The following GPI variants were observed in gnomAD, a reference collection of about 807,000 sequenced individuals.
GPI encodes D-hexose-6-phosphate anomerase.
A neutral mutation model predicts 75.8 loss-of-function variants in GPI; 56 were observed. The observed-to-expected ratio is 0.74, with a 90% CI of 0.60 to 0.92. The LOEUF (loss-of-function observed/expected upper bound fraction) is 0.92. Ranked by LOEUF, GPI falls within the 40% of genes least tolerant of loss-of-function variation. The pLI, the probability that GPI is intolerant of heterozygous loss-of-function variation, is 0.00. For missense variants in GPI, 638 were observed against 741.0 expected (o/e 0.86, Z 1.61); for synonymous variants, 288 against 285.4 (o/e 1.01, Z -0.09).
intron 9 of GPI, among the ~76,000 whole-genome samples, chr19:34,391,906 G>A (rs2074845474): frequency 4.5e-4 from 1 of 2,242 alleles, no homozygotes; most frequent in Non-Finnish European, 7.8e-4. Flanking sequence ...GCAGTATCTG[G>A]TACAGGTATG....
rs886700536 is a variant in GPI at position 34,400,545 on chromosome 19, A to G, written c.*509A>G. 6 of 461,872 alleles carry G rather than the reference A, an allele frequency of 1.3e-5. No individual in the cohort carries two copies. Among genetic ancestry groups the G allele is most frequent in the Non-Finnish European group, 1.9e-5 (5 of 263,948 alleles). The allele number at this position is 461,872 out of a possible 1,614,324, so 28.6% of individuals were successfully genotyped here. Reference sequence around the variant, plus strand: ...ACTTGGCCTGTGTCACCAAATCCCAAGACTGTTTTCCACTCCTCACCTCTG... The same window carrying G: ...ACTTGGCCTGTGTCACCAAATCCCAGGACTGTTTTCCACTCCTCACCTCTG... On this transcript the variant is annotated 3_prime_UTR_variant, in exon 18 of 18. Transcript: ENST00000356487.
At chr19:34,372,600 C>T (rs1425532316) in intron 4 of GPI, among the ~76,000 whole-genome samples, 2 of 152,134 alleles carry the variant, frequency 1.3e-5, no homozygotes, top group Non-Finnish European at 1.5e-5. Context: ...TATGATCATA[C>T]TCCTACATTC....
chr19:34,372,165 A>G (rs1369106638), intron 4 of GPI, among the ~76,000 whole-genome samples: 2 of 151,974 alleles, frequency 1.3e-5, no homozygotes, highest in African/African-American at 4.8e-5. Flanking sequence ...TCCTGACCTC[A>G]GGTGATCCAC....
At chr19:34,378,798 C>T (rs2074593295) in intron 6 of GPI, 136 bp from the exon 7 acceptor site, 7 of 725,566 alleles carry the variant, frequency 9.6e-6, no homozygotes, top group East Asian at 7.9e-5. Context: ...GGTTATGTGG[C>T]GTCACTGTCA....
chr19:34,361,719 G>A (rs1440732052), upstream of GPI, among the ~76,000 whole-genome samples: 2 of 152,138 alleles, frequency 1.3e-5, no homozygotes, highest in African/African-American at 2.4e-5. Context: ...GGTGTTGCAT[G>A]CCTGTAATCC....
At chr19:34,381,664 G>A in intron 9 of GPI, 145 bp downstream of exon 9, 1 of 754,376 alleles carries the variant, frequency 1.3e-6, no homozygotes, top group Non-Finnish European at 2.4e-6. Context: ...CCTCAGAGAG[G>A]CTTGGAGGGC....
chr19:34,365,674 T>G (rs1056544462), intron 1 of GPI: 1 of 598,030 alleles, frequency 1.7e-6, no homozygotes, highest in African/African-American at 1.8e-5. Flanking sequence ...CCCGTGCAGC[T>G]CTGGCCATTT....
At chr19:34,365,048 T>C (rs1473625432), upstream of GPI, 1 of 1,487,070 alleles carries the variant, frequency 6.7e-7, no homozygotes, top group Non-Finnish European at 8.9e-7. Context: ...AGGCCCCAGA[T>C]CAGCGGCCGC....
chr19:34,381,780 G>A (rs1475872055), intron 9 of GPI, among the ~76,000 whole-genome samples: 2 of 152,136 alleles, frequency 1.3e-5, no homozygotes, highest in East Asian at 3.9e-4. Context: ...CACCCACTGT[G>A]GGGTAACCCG....
At chr19:34,378,311 C>G (rs992446657) in intron 6 of GPI, among the ~76,000 whole-genome samples, 1 of 152,198 alleles carries the variant, frequency 6.6e-6, no homozygotes, top group African/African-American at 2.4e-5. Flanking sequence ...TCTCCTGCCT[C>G]AGCCTCCCAA....
intron 9 of GPI, among the ~76,000 whole-genome samples, chr19:34,388,094 C>T (rs1396605680): frequency 6.6e-6 from 1 of 152,190 alleles, no homozygotes; most frequent in Non-Finnish European, 1.5e-5. Context: ...CAGGGTAATA[C>T]AGAGGGCTGA....
chr19:34,399,165 C>G lies in GPI; in HGVS notation c.1270-42C>G, dbSNP rs991527115. 7 of 1,597,980 alleles carry G rather than the reference C, an allele frequency of 4.4e-6. No homozygotes were observed. The East Asian group carries it at 1.6e-4, about 36-fold the overall frequency. On this transcript the variant is annotated intron_variant, in intron 14 of 17. Transcript: ENST00000356487. ...GCGGTCTTGTCCCTCTGCCTGAAGC[C>G]CAGACAGTGCTCTCAAGCATAACTG... is the stretch of plus-strand genomic sequence containing the variant.
At chr19:34,394,262 T>G (rs755366515) in intron 12 of GPI, among the ~76,000 whole-genome samples, 196 bp downstream of exon 12, 33 of 152,198 alleles carry the variant, frequency 2.2e-4, no homozygotes, top group Non-Finnish European at 4.1e-4. Flanking sequence ...CATCTGAGTT[T>G]GATCACCATG....
chr19:34,379,749 A>G (rs1189683854), intron 8 of GPI, 187 bp downstream of exon 8: 20 of 695,336 alleles, frequency 2.9e-5, no homozygotes, highest in Non-Finnish European at 4.7e-5. Context: ...CAACCTCTGC[A>G]GCTTTGAGGA....
chr19:34,389,524 G>A (rs142115432), intron 9 of GPI, among the ~76,000 whole-genome samples: 159 of 152,318 alleles, frequency 1.0e-3, no homozygotes, highest in African/African-American at 3.6e-3. Flanking sequence ...GATGTAATAA[G>A]TGGGCACCTC....
intron 4 of GPI, among the ~76,000 whole-genome samples, chr19:34,369,772 T>G (rs551469554): frequency 6.6e-6 from 1 of 151,864 alleles, no homozygotes; most frequent in East Asian, 1.9e-4. Context: ...TTGTAAAGTT[T>G]CCTGTAGCCA....
chr19:34,396,203 G>T, intron 12 of GPI, 98 bp from the exon 13 acceptor site: 3 of 1,406,444 alleles, frequency 2.1e-6, no homozygotes, highest in South Asian at 1.2e-5. Context: ...CTCCCAAAGT[G>T]CTGGAATTAC....
chr19:34,369,422 C>T (rs2074416758), intron 4 of GPI, among the ~76,000 whole-genome samples: 1 of 152,076 alleles, frequency 6.6e-6, no homozygotes, highest in South Asian at 2.1e-4. Flanking sequence ...TTTCCTCAAC[C>T]CTGGCTGGGC....
chr19:34,365,895 G>A (rs185884982), intron 1 of GPI: 101 of 473,980 alleles, frequency 2.1e-4, no homozygotes, highest in African/African-American at 1.9e-3. Context: ...CGACCGGGAA[G>A]TGGGAAGGAG....
Sources: gnomAD v4.1 joint callset for allele counts (sites outside exome capture counted in the v4.1 genomes callset) on GRCh38, gnomAD v4.1.1 for gene constraint, MANE v1.5 for transcripts, NCBI Gene and HGNC (gene_info 2026-07-23, HGNC 2026-07-21) for gene names.